MAGI3: variants seen among roughly 807,000 people sequenced by gnomAD.
MAGI3 encodes membrane associated guanylate kinase, WW and PDZ domain containing 3, also known as membrane-associated guanylate kinase, WW and PDZ domain-containing protein 3.
A neutral mutation model predicts 121.8 loss-of-function variants in MAGI3; 43 were observed. The observed-to-expected ratio is 0.35, with a 90% CI of 0.28 to 0.46. The LOEUF (loss-of-function observed/expected upper bound fraction) is 0.46, where lower values mean the gene tolerates loss of function less well. MAGI3 is among the 20% of genes least tolerant of loss of function. The probability of loss-of-function intolerance (pLI) is 1.00; values close to 1 mark genes in which losing one functional copy is unlikely to be tolerated. For synonymous variants in MAGI3, 553 were observed against 639.3 expected, an observed-to-expected ratio of 0.86 and a Z score of 2.04; for missense variants, 1,547 against 1,797.3, an observed-to-expected ratio of 0.86 and a Z score of 2.52.
At chr1:113,488,080 AT>A (rs201480240) in intron 1 of MAGI3, among the ~76,000 whole-genome samples, 9 of 151,994 alleles carry the variant, frequency 5.9e-5, no homozygotes, top group South Asian at 2.1e-4. Context: ...ATTTTACATG[AT>A]TTTTTTCTTG....
At chr1:113,520,201 A>T (rs572243717) in intron 1 of MAGI3, among the ~76,000 whole-genome samples, 3 of 152,236 alleles carry the variant, frequency 2.0e-5, no homozygotes, top group Admixed American at 2.0e-4. Flanking sequence ...GAAATAAAAA[A>T]CTGCATGTTA....
intron 12 of MAGI3, among the ~76,000 whole-genome samples, chr1:113,648,793 G>A (rs111328732): frequency 6.5e-4 from 99 of 152,234 alleles, no homozygotes; most frequent in Non-Finnish European, 7.2e-4. Context: ...TGAGAGAAAG[G>A]TATTAGCTTG....
At position 113,683,951 on chromosome 1, in the gene MAGI3, C is replaced by G; in HGVS notation, c.4383C>G (p.Pro1461=). 6.2e-7 allele frequency: 1 copy of G among 1,605,856 alleles called. No individual in the cohort carries two copies. ...PVKKTLITPG[P]WKVPSGNKVT... The stretch of plus-strand genomic sequence containing the variant: ...AGAAAACACTGATAACTCCAGGGCC[C>G]TGGAAGGTTCCAAGTGGAAATAAAG... Residue 1461 remains proline (P), a synonymous_variant, in exon 21 of 21, where the codon CCC becomes CCG. Coordinates refer to ENST00000307546, the MANE Select transcript of MAGI3 (RefSeq NM_001142782.2).
chr1:113,516,320 G>T (rs1432634395), intron 1 of MAGI3, among the ~76,000 whole-genome samples: 1 of 144,688 alleles, frequency 6.9e-6, no homozygotes, highest in Admixed American at 7.2e-5. Flanking sequence ...CAGATTCTAG[G>T]ACTGGGTTGG....
At chr1:113,601,630 TA>T (rs2101752986) in intron 6 of MAGI3, among the ~76,000 whole-genome samples, 1 of 148,640 alleles carries the variant, frequency 6.7e-6, no homozygotes, top group South Asian at 2.2e-4. Context: ...GGTGGGACTG[TA>T]AACTAGTTCA....
chr1:113,515,814 TG>T (rs1161122287), intron 1 of MAGI3, among the ~76,000 whole-genome samples: 1 of 152,226 alleles, frequency 6.6e-6, no homozygotes, highest in East Asian at 1.9e-4. Context: ...GTATATGTAG[TG>T]ACTGTGTATC....
intron 12 of MAGI3, 78 bp from the exon 13 acceptor site, chr1:113,649,159 C>T: frequency 9.3e-7 from 1 of 1,071,514 alleles, no homozygotes; most frequent in Non-Finnish European, 1.3e-6. Context: ...CTATAATATC[C>T]TACTAAATAC....
intron 1 of MAGI3, among the ~76,000 whole-genome samples, chr1:113,531,071 A>G (rs1290659773): frequency 6.6e-6 from 1 of 152,256 alleles, no homozygotes; most frequent in Non-Finnish European, 1.5e-5. Context: ...TTGAAACATT[A>G]CAAAATTAAC....
At chr1:113,542,521 C>T (rs1390749710) in intron 1 of MAGI3, among the ~76,000 whole-genome samples, 1 of 152,150 alleles carries the variant, frequency 6.6e-6, no homozygotes, top group Non-Finnish European at 1.5e-5. Flanking sequence ...ATAATGTTTC[C>T]ACGTTTGAAA....
chr1:113,514,907 AAACT>A (rs1657811146), intron 1 of MAGI3, among the ~76,000 whole-genome samples: 2 of 152,170 alleles, frequency 1.3e-5, no homozygotes, highest in Non-Finnish European at 2.9e-5. Flanking sequence ...AATTTGAAGA[AAACT>A]AAGAGAGGAA....
Position 113,658,871 on chromosome 1 carries a change from C to G in MAGI3, c.2630-209C>G, listed in dbSNP as rs1206799353. 1.3e-5 allele frequency among the ~76,000 whole-genome samples: 2 copies of G among 152,112 alleles called. No individual in the cohort carries two copies. Among genetic ancestry groups the G allele is most frequent in the African/African-American group, 4.8e-5 (2 of 41,416 alleles). ...AGAGGTTTATATGCTATGATTACAA[C>G]TGTGTAAAGAGTATTTATGCATGTG... On this transcript the variant is annotated intron_variant, in intron 15 of 20. Coordinates refer to ENST00000307546, the MANE Select transcript of MAGI3 (RefSeq NM_001142782.2). The surrounding 1 kb of genome is among the most constrained non-coding windows in gnomAD (Gnocchi z 4.0).
chr1:113,513,089 A>G (rs1487639017), intron 1 of MAGI3, among the ~76,000 whole-genome samples: 3 of 152,342 alleles, frequency 2.0e-5, no homozygotes, highest in South Asian at 4.1e-4. Context: ...GGACCTCTTC[A>G]AGGAGAACTA....
intron 1 of MAGI3, among the ~76,000 whole-genome samples, chr1:113,541,577 G>C (rs1659290053): frequency 6.6e-6 from 1 of 152,132 alleles, no homozygotes; most frequent in African/African-American, 2.4e-5. Flanking sequence ...AACGAGCGTG[G>C]CATACTTAGA....
intron 6 of MAGI3, among the ~76,000 whole-genome samples, chr1:113,611,918 C>T (rs1195917986): frequency 7.3e-6 from 1 of 136,726 alleles, no homozygotes; most frequent in Non-Finnish European, 1.6e-5. Context: ...GGAATCATCT[C>T]CCTCTCCCTA....
chr1:113,624,993 T>G (rs1651131335), intron 9 of MAGI3, among the ~76,000 whole-genome samples: 1 of 152,200 alleles, frequency 6.6e-6, no homozygotes, highest in African/African-American at 2.4e-5. Flanking sequence ...CTTGGCACCT[T>G]TCTTGAAAAT....
intron 16 of MAGI3, among the ~76,000 whole-genome samples, chr1:113,670,605 G>A (rs999235347): frequency 2.0e-5 from 3 of 152,130 alleles, no homozygotes; most frequent in Non-Finnish European, 2.9e-5. Flanking sequence ...AAAGAGAAAT[G>A]CAACCCCAAG....
At position 113,642,246 on chromosome 1, in the gene MAGI3, A is replaced by G; in HGVS notation, c.1696A>G (p.Met566Val). ...PSDASEQRVS[M>V]ASSGSSQPEL... is the part of the protein sequence containing the mutation. The stretch of plus-strand genomic sequence containing the variant: ...AGATGCAAGTGAGCAGAGAGTATCC[A>G]TGGCATCGTCAGGCAGCTCCCAGCC... The change falls in exon 10 of 21, where the codon ATG (methionine) becomes GTG (valine). Residue 566 changes from methionine (M) to valine (V), a missense_variant. Met to Val is a conservative substitution (Grantham distance 21). Coordinates refer to ENST00000307546, the MANE Select transcript of MAGI3 (RefSeq NM_001142782.2). 8 of 1,614,180 alleles carry G rather than the reference A, an allele frequency of 5.0e-6. No individual in the cohort carries two copies. Among genetic ancestry groups the G allele is most frequent in the Non-Finnish European group, 5.9e-6 (7 of 1,180,038 alleles).
chr1:113,468,489 T>TA (rs1655395074), intron 1 of MAGI3, among the ~76,000 whole-genome samples: 1 of 152,164 alleles, frequency 6.6e-6, no homozygotes, highest in Admixed American at 6.5e-5. Context: ...TAATATAAGT[T>TA]AAATGTAAGT....
At chr1:113,644,922 A>G (rs190655340) in intron 11 of MAGI3, among the ~76,000 whole-genome samples, 10 of 152,266 alleles carry the variant, frequency 6.6e-5, no homozygotes, top group Admixed American at 4.6e-4. Flanking sequence ...TAAACTATAG[A>G]CAATTATATT....
Sources: gnomAD v4.1 joint callset for allele counts (sites outside exome capture counted in the v4.1 genomes callset) on GRCh38, gnomAD v4.1.1 for gene constraint, Gnocchi (gnomAD v3.1) non-coding constraint, MANE v1.5 for transcripts, NCBI Gene and HGNC (gene_info 2026-07-23, HGNC 2026-07-21) for gene names.